Variants in NF2 observed in about 807,000 individuals in gnomAD.
The protein encoded by NF2 is merlin.
Under a neutral mutation model 83.7 loss-of-function variants are expected in NF2, and 8 were observed. The observed-to-expected ratio is 0.10, with a 90% CI of 0.06 to 0.17. The LOEUF (loss-of-function observed/expected upper bound fraction) is 0.17, where lower values mean the gene tolerates loss of function less well. Among genes scored for constraint, NF2 ranks in the 10% least tolerant of loss-of-function variants. NF2 has a pLI of 1.00. For missense variants in NF2, 533 were observed against 744.4 expected, an observed-to-expected ratio of 0.72 and a Z score of 3.31; for synonymous variants, 266 against 269.6, an observed-to-expected ratio of 0.99 and a Z score of 0.13.
intron 1 of NF2, among the ~76,000 whole-genome samples, chr22:29,631,211 T>G (rs187511575): frequency 2.7e-4 from 41 of 152,282 alleles, no homozygotes; most frequent in Admixed American, 2.5e-3. Context: ...GAACATTCCT[T>G]CACTTTGCAA....
chr22:29,680,419 G>A (rs184965539), intron 14 of NF2, among the ~76,000 whole-genome samples: 92 of 152,310 alleles, frequency 6.0e-4, no homozygotes, highest in African/African-American at 2.1e-3. Context: ...CGGTGATTAG[G>A]TTTCCACATA....
At chr22:29,634,105 C>T (rs1451398468) in intron 1 of NF2, among the ~76,000 whole-genome samples, 1 of 152,168 alleles carries the variant, frequency 6.6e-6, no homozygotes, top group Admixed American at 6.5e-5. Flanking sequence ...CTGCGGTTTG[C>T]CTATGTTAGA....
rs1601624241 is a variant in NF2 at position 29,661,323 on chromosome 22, C to T, written c.794C>T (p.Ser265Leu). 2 of 1,614,138 alleles carry T rather than the reference C, an allele frequency of 1.2e-6. No individual in the cohort carries two copies. The highest frequency in any genetic ancestry group is 1.7e-6 in the Non-Finnish European group (2 of 1,180,032). The change falls in exon 8 of 16, where the codon TCG (serine) becomes TTG (leucine). Residue 265 changes from serine to leucine, a missense_variant. Coordinates refer to ENST00000338641, the MANE Select transcript of NF2 (RefSeq NM_000268.4). ...SFPWNEIRNI[S>L]YSDKEFTIKP... ...CCGTGGAATGAAATCCGAAACATCTCGTACAGTGACAAGGAGGTAGGACAT... is the reference window on the plus strand; with the variant it reads ...CCGTGGAATGAAATCCGAAACATCTTGTACAGTGACAAGGAGGTAGGACAT...
chr22:29,673,242 T>C, intron 11 of NF2, 27 bp from the exon 12 acceptor site: 1 of 1,553,504 alleles, frequency 6.4e-7, no homozygotes, highest in Non-Finnish European at 8.7e-7. Flanking sequence ...ATGATCCCAC[T>C]TCAGCTAAGA....
At chr22:29,676,893 C>G (rs73390932) in intron 13 of NF2, among the ~76,000 whole-genome samples, 2,020 of 128,476 alleles carry the variant, frequency 0.016, 36 homozygotes, top group African/African-American at 0.048. Flanking sequence ...GAGAAGTGCC[C>G]AAATTACAAC....
intron 13 of NF2, among the ~76,000 whole-genome samples, chr22:29,676,349 T>A (rs1214855729): frequency 6.6e-6 from 1 of 151,970 alleles, no homozygotes; most frequent in African/African-American, 2.4e-5. Context: ...AATTTTTTTT[T>A]TTATTTGGTA....
At chr22:29,606,214 A>G (rs950155894) in intron 1 of NF2, among the ~76,000 whole-genome samples, 2 of 152,168 alleles carry the variant, frequency 1.3e-5, no homozygotes, top group East Asian at 1.9e-4. Flanking sequence ...TCGGCCTCCC[A>G]AAGTGTTGGG....
intron 10 of NF2, among the ~76,000 whole-genome samples, chr22:29,669,817 C>T (rs1248681673): frequency 6.6e-6 from 1 of 152,214 alleles, no homozygotes; most frequent in Non-Finnish European, 1.5e-5. Flanking sequence ...ACTTACCTTC[C>T]AGACCTTAGT....
intron 2 of NF2, 80 bp from the exon 3 acceptor site, chr22:29,639,010 C>A: frequency 1.3e-6 from 2 of 1,597,524 alleles, no homozygotes; most frequent in Non-Finnish European, 1.7e-6. Flanking sequence ...TTAATGCACG[C>A]CTTGCAAAGG....
chr22:29,683,451 T>G, intron 15 of NF2: 1 of 1,239,924 alleles, frequency 8.1e-7, no homozygotes, highest in Non-Finnish European at 1.0e-6. Flanking sequence ...CTTTGGAGAC[T>G]GGTGTGTTTA....
At chr22:29,647,888 CT>C (rs1184310369) in intron 4 of NF2, among the ~76,000 whole-genome samples, 1 of 152,072 alleles carries the variant, frequency 6.6e-6, no homozygotes, top group Non-Finnish European at 1.5e-5. Context: ...AATGAAGATC[CT>C]TTTATGTGAT....
At chr22:29,616,319 T>A (rs186970234) in intron 1 of NF2, among the ~76,000 whole-genome samples, 37 of 152,310 alleles carry the variant, frequency 2.4e-4, no homozygotes, top group Non-Finnish European at 4.6e-4. Flanking sequence ...TTAGGGTATA[T>A]GAATTATATA....
Position 29,698,119 on chromosome 22 carries a change from AG to A in NF2, c.*3319del, listed in dbSNP as rs372162228. 48 of 231,706 alleles carry A rather than the reference AG, an allele frequency of 2.1e-4. No homozygotes were observed. In the South Asian group the frequency reaches 8.2e-3, roughly 39 times the overall value. The allele number at this position is 231,706 out of a possible 1,614,324, so 14.4% of individuals were successfully genotyped here. On this transcript the variant is annotated 3_prime_UTR_variant, in exon 16 of 16. Coordinates refer to ENST00000338641, the MANE Select transcript of NF2 (RefSeq NM_000268.4). ...CAGATGGCTTCGTTCATCCTGATCA[AG>A]GCCCCACCTCAGCCACAGCAGTCCC... is the stretch of plus-strand genomic sequence containing the variant.
At chr22:29,624,801 CTTTCTT>C (rs1569272674) in intron 1 of NF2, among the ~76,000 whole-genome samples, 113 of 10,604 alleles carry the variant, frequency 0.011, 1 homozygote, top group African/African-American at 0.028. Flanking sequence ...GAAGGGTCCT[CTTTCTT>C]TCTTTCTTTC....
chr22:29,681,332 G>C (rs1467302031), intron 14 of NF2, 107 bp from the exon 15 acceptor site: 52 of 1,381,922 alleles, frequency 3.8e-5, no homozygotes, highest in Non-Finnish European at 5.0e-5. Flanking sequence ...TGAACCCCAG[G>C]CCTCAAACCC....
At chr22:29,679,722 T>A (rs1358531242) in intron 14 of NF2, among the ~76,000 whole-genome samples, 1 of 151,768 alleles carries the variant, frequency 6.6e-6, no homozygotes, top group African/African-American at 2.4e-5. Context: ...AAAAATTAGC[T>A]GGGTGTGGTG....
At position 29,695,483 on chromosome 22, in the gene NF2, TG is replaced by T. The variant is rs1371051651; in HGVS notation, c.*684del. The T allele has an allele frequency of 4.0e-6, 1 of 248,914 alleles. No homozygotes were observed. The highest frequency in any genetic ancestry group is 7.9e-6 in the Non-Finnish European group (1 of 126,360). 15.4% of individuals were successfully genotyped at this position (248,914 alleles called of 1,614,324 possible). On this transcript the variant is annotated 3_prime_UTR_variant, in exon 16 of 16. Transcript: ENST00000338641. This position sits in a 1 kb window ranked among gnomAD's most constrained non-coding sequence, Gnocchi z 5.4. Reference sequence around the variant, plus strand: ...GCAGGCTGACTGCCAGCCGAGGGGCTGGGTAGTGCCGTGCGGGAGCTGATGG... The same window carrying T: ...GCAGGCTGACTGCCAGCCGAGGGGCTGGTAGTGCCGTGCGGGAGCTGATGG...
intron 1 of NF2, among the ~76,000 whole-genome samples, chr22:29,617,498 A>C (rs2065110718): frequency 6.6e-6 from 1 of 151,944 alleles, no homozygotes; most frequent in Non-Finnish European, 1.5e-5. Flanking sequence ...TTGTTGTGAC[A>C]ACCAAAAATG....
chr22:29,659,479 T>C (rs1179348216), intron 7 of NF2, among the ~76,000 whole-genome samples: 1 of 152,158 alleles, frequency 6.6e-6, no homozygotes, highest in African/African-American at 2.4e-5. Context: ...GGTTTCTTAT[T>C]AGGGAATATT....
Sources: allele counts gnomAD v4.1 joint callset (sites outside exome capture counted in the v4.1 genomes callset), GRCh38; gene constraint gnomAD v4.1.1; non-coding constraint Gnocchi (gnomAD v3.1); transcripts MANE v1.5; gene names NCBI Gene and HGNC (gene_info 2026-07-23, HGNC 2026-07-21).